Variants in ZRANB3 observed in about 807,000 individuals in gnomAD.
ZRANB3 encodes the protein DNA annealing helicase and endonuclease ZRANB3.
A neutral mutation model predicts 133.8 loss-of-function variants in ZRANB3; 125 were observed. That is an observed-to-expected ratio of 0.93 (90% CI 0.81 to 1.08). The LOEUF (loss-of-function observed/expected upper bound fraction) is 1.08, where lower values mean the gene tolerates loss of function less well. Among genes scored for constraint, ZRANB3 ranks in the 50% least tolerant of loss-of-function variants. The pLI is 0.00. For synonymous variants in ZRANB3, 387 were observed against 432.7 expected (o/e 0.89, Z 1.31); for missense variants, 1,229 against 1,275.5 (o/e 0.96, Z 0.56).
Position 135,412,987 on chromosome 2 carries a change from A to G in ZRANB3, c.162-22167T>C, listed in dbSNP as rs1574064656. Among the ~76,000 whole-genome samples the G allele has an allele frequency of 4.6e-5, 7 of 152,166 alleles. No homozygotes were observed. In the South Asian group the frequency reaches 1.4e-3, roughly 31 times the overall value. On this transcript the variant is annotated intron_variant, in intron 2 of 20. Transcript: ENST00000264159. ...TACCTTGAAATTATTACAAGCTTTC[A>G]TGTCTTTCCTGTATATTACTGATGT... is the stretch of plus-strand genomic sequence containing the variant.
At chr2:135,236,634 G>C (rs1406255884) in intron 12 of ZRANB3, among the ~76,000 whole-genome samples, 1 of 152,018 alleles carries the variant, frequency 6.6e-6, no homozygotes, top group Non-Finnish European at 1.5e-5. Flanking sequence ...AAATAATGCC[G>C]CATATCTACA....
chr2:135,263,415 A>C (rs1200873419), intron 12 of ZRANB3, among the ~76,000 whole-genome samples: 1 of 152,202 alleles, frequency 6.6e-6, no homozygotes, highest in Non-Finnish European at 1.5e-5. Flanking sequence ...ATATTTGTGC[A>C]TGTATCCTTA....
At chr2:135,529,652 A>T (rs1359218633) in intron 1 of ZRANB3, among the ~76,000 whole-genome samples, 5 of 151,766 alleles carry the variant, frequency 3.3e-5, no homozygotes. Flanking sequence ...GATCCTACAG[A>T]TCTCTGCCAC....
chr2:135,413,830 C>T (rs1362955572), intron 2 of ZRANB3, among the ~76,000 whole-genome samples: 6 of 151,954 alleles, frequency 3.9e-5, no homozygotes, highest in South Asian at 4.2e-4. Flanking sequence ...GAATTTTCAA[C>T]CCAGAATTTC....
chr2:135,297,383 G>A (rs112411154), intron 8 of ZRANB3, among the ~76,000 whole-genome samples: 1,749 of 152,282 alleles, frequency 0.011, 34 homozygotes, highest in African/African-American at 0.04. Flanking sequence ...AGACAGGTGC[G>A]GGATATAATC....
At chr2:135,352,202 G>A (rs912914541) in intron 4 of ZRANB3, among the ~76,000 whole-genome samples, 6 of 151,670 alleles carry the variant, frequency 4.0e-5, no homozygotes, top group African/African-American at 1.5e-4. Flanking sequence ...GTGTGGTGGT[G>A]GTGCCTGTAA....
intron 1 of ZRANB3, among the ~76,000 whole-genome samples, chr2:135,515,500 T>C (rs1411920413): frequency 6.6e-6 from 1 of 152,224 alleles, no homozygotes; most frequent in Non-Finnish European, 1.5e-5. Flanking sequence ...TTCTCATTGG[T>C]TTCAAAGAAT....
intron 2 of ZRANB3, among the ~76,000 whole-genome samples, chr2:135,410,016 G>A (rs1688231131): frequency 6.6e-6 from 1 of 152,190 alleles, no homozygotes; most frequent in African/African-American, 2.4e-5. Context: ...AACATCTCAT[G>A]CTCATGGACA....
rs543245953 is a variant in ZRANB3, at chr2:135,416,381, C to T, written c.162-25561G>A. On this transcript the variant is annotated intron_variant, in intron 2 of 20. Transcript: ENST00000264159. ...CAATTGCTTCAAAGAGAATAAAATACTTAGGAATCCAACTTACAAGGGATG... is the reference window on the plus strand; with the variant it reads ...CAATTGCTTCAAAGAGAATAAAATATTTAGGAATCCAACTTACAAGGGATG... Among the ~76,000 whole-genome samples, 19 of 152,182 alleles carry T rather than the reference C, an allele frequency of 1.2e-4. No homozygotes were observed. In the East Asian group the frequency reaches 3.7e-3, roughly 29 times the overall value.
intron 2 of ZRANB3, among the ~76,000 whole-genome samples, chr2:135,458,112 G>A (rs1031432738): frequency 3.3e-5 from 5 of 152,192 alleles, no homozygotes; most frequent in Middle Eastern, 3.4e-3. Flanking sequence ...ACTTTTGTAT[G>A]TGAGTTAACT....
intron 12 of ZRANB3, among the ~76,000 whole-genome samples, chr2:135,250,501 C>A (rs919331468): frequency 2.6e-5 from 4 of 152,204 alleles, no homozygotes; most frequent in African/African-American, 9.6e-5. Flanking sequence ...ATGGTAGGCC[C>A]TCCCGTCACA....
At chr2:135,370,151 T>C (rs1686110502) in intron 3 of ZRANB3, among the ~76,000 whole-genome samples, 1 of 151,862 alleles carries the variant, frequency 6.6e-6, no homozygotes, top group Middle Eastern at 3.2e-3. Flanking sequence ...GCTCATTTTT[T>C]ACCTATTGTT....
At chr2:135,229,458 C>G (rs1310158672) in intron 13 of ZRANB3, among the ~76,000 whole-genome samples, 1 of 151,198 alleles carries the variant, frequency 6.6e-6, no homozygotes, top group Admixed American at 6.6e-5. Context: ...AGCTCCGCCT[C>G]CCGGGTTCAC....
chr2:135,413,539 C>T (rs1688407474), intron 2 of ZRANB3, among the ~76,000 whole-genome samples: 1 of 152,144 alleles, frequency 6.6e-6, no homozygotes, highest in South Asian at 2.1e-4. Context: ...AAAGTACTAT[C>T]TCTCCTCATT....
chr2:135,237,023 A>T (rs1191370286), intron 12 of ZRANB3, among the ~76,000 whole-genome samples: 23 of 151,974 alleles, frequency 1.5e-4, no homozygotes, highest in African/African-American at 4.4e-4. Flanking sequence ...ATGGGAGAAA[A>T]TTTTTGCAAT....
intron 1 of ZRANB3, among the ~76,000 whole-genome samples, chr2:135,524,009 G>C (rs1694048437): frequency 6.6e-6 from 1 of 152,108 alleles, no homozygotes; most frequent in South Asian, 2.1e-4. Flanking sequence ...CAAAATACAA[G>C]TATCTATATT....
intron 2 of ZRANB3, among the ~76,000 whole-genome samples, chr2:135,462,971 T>A (rs2105018093): frequency 6.6e-6 from 1 of 152,310 alleles, no homozygotes. Context: ...GGAAACTAAT[T>A]GAAATGTCAT....
Position 135,347,578 on chromosome 2 carries a change from G to A in ZRANB3, c.592-1943C>T, listed in dbSNP as rs140721145. On this transcript the variant is annotated intron_variant, in intron 5 of 20. Coordinates refer to ENST00000264159, the MANE Select transcript of ZRANB3 (RefSeq NM_032143.4). ...ATCACAGGCGTGAGCCATTGCTCCC[G>A]GCCTGTTTTCAGTTCTCTTGGGTAT... Among the ~76,000 whole-genome samples the A allele has an allele frequency of 5.0e-3, 758 of 152,222 alleles. 8 individuals carry two copies. Among genetic ancestry groups the A allele is most frequent in the African/African-American group, 0.017 (697 of 41,550 alleles).
In ZRANB3 at chr2:135,350,160, C is replaced by A. The variant is rs564734782; in HGVS notation, c.415G>T (p.Ala139Ser). ...TTCAGTGCATCTATCAAAGTCTTTGCATCTGCGGTTAAGAGACCATAACCC... is the reference window on the plus strand; with the variant it reads ...TTCAGTGCATCTATCAAAGTCTTTGAATCTGCGGTTAAGAGACCATAACCC... ...VLGYGLLTAD[A>S]KTLIDALNNQ... Residue 139 changes from alanine to serine, a missense_variant, in exon 5 of 21, where the codon GCA becomes TCA. By Grantham distance (99) the Ala-to-Ser change is moderately conservative (BLOSUM62 1). Coordinates refer to ENST00000264159, the MANE Select transcript of ZRANB3 (RefSeq NM_032143.4). 3 of 1,611,488 alleles carry A rather than the reference C, an allele frequency of 1.9e-6. No homozygotes were observed. The highest frequency in any genetic ancestry group is 8.5e-7 in the Non-Finnish European group (1 of 1,178,714).
Sources: gnomAD v4.1 joint callset for allele counts (sites outside exome capture counted in the v4.1 genomes callset) on GRCh38, gnomAD v4.1.1 for gene constraint, MANE v1.5 for transcripts, NCBI Gene and HGNC (gene_info 2026-07-23, HGNC 2026-07-21) for gene names.